THSD4: variants seen among roughly 807,000 people sequenced by gnomAD.
THSD4 encodes thrombospondin type-1 domain-containing protein 4.
THSD4 carries 69 observed loss-of-function variants against 119.0 expected under a neutral mutation model. The observed-to-expected ratio is 0.58, with a 90% CI of 0.48 to 0.71. The LOEUF is 0.71. Ranked by LOEUF, THSD4 falls within the 30% of genes least tolerant of loss-of-function variation. THSD4 has a pLI of 0.00. For missense variants in THSD4, 1,393 were observed against 1,391.1 expected (o/e 1.00, Z -0.02); for synonymous variants, 524 against 540.4 (o/e 0.97, Z 0.42).
chr15:71,552,978 A>G (rs2048955753), intron 7 of THSD4, among the ~76,000 whole-genome samples: 1 of 152,240 alleles, frequency 6.6e-6, no homozygotes, highest in Non-Finnish European at 1.5e-5. Context: ...AACAAATTCA[A>G]GCAAACAAAT....
intron 7 of THSD4, among the ~76,000 whole-genome samples, chr15:71,617,291 A>G (rs2050335123): frequency 6.6e-6 from 1 of 152,240 alleles, no homozygotes; most frequent in African/African-American, 2.4e-5. Flanking sequence ...AAATTAAACT[A>G]AAATGATTTT....
rs141535051 is a variant in THSD4 at position 71,594,463 on chromosome 15, TC to T, written c.1153-66063del. On this transcript the variant is annotated intron_variant, in intron 7 of 17. Transcript: ENST00000261862. Reference sequence around the variant, plus strand: ...ACCTCATGATCCACCCACCTCGGCCTCCCCTCTTAGTAGCTGGGATTTCTGC... The same window carrying T: ...ACCTCATGATCCACCCACCTCGGCCTCCCTCTTAGTAGCTGGGATTTCTGC... Among the ~76,000 whole-genome samples, 926 of 152,228 alleles carry T rather than the reference TC, an allele frequency of 6.1e-3. 10 individuals carry two copies. The highest frequency in any genetic ancestry group is 0.02 in the African/African-American group (841 of 41,566).
chr15:71,427,556 A>G (rs7170883), intron 7 of THSD4, among the ~76,000 whole-genome samples: 92,726 of 147,868 alleles, frequency 0.63, 29,448 homozygotes, highest in Middle Eastern at 0.74. Flanking sequence ...CTGGCCTCCC[A>G]GACCTTGGAG....
chr15:71,568,639 G>A (rs1360458030), intron 7 of THSD4, among the ~76,000 whole-genome samples: 3 of 147,360 alleles, frequency 2.0e-5, no homozygotes, highest in African/African-American at 7.5e-5. Context: ...TGTGCACAAC[G>A]TGCTAGTTTG....
intron 4 of THSD4, among the ~76,000 whole-genome samples, chr15:71,217,193 A>G (rs1380021450): frequency 6.6e-6 from 1 of 152,194 alleles, no homozygotes; most frequent in African/African-American, 2.4e-5. Flanking sequence ...TCACATGTTA[A>G]TAGCATTTCT....
rs536332746 is a variant in THSD4, at chr15:71,504,460, A to G, written c.1152+92637A>G. On this transcript the variant is annotated intron_variant, in intron 7 of 17. Coordinates refer to ENST00000261862, the MANE Select transcript of THSD4 (RefSeq NM_024817.3). ...AGAAGAAACCATTTCAGAAGCGTAA[A>G]GACTAAAGTCACACATTCATCTCAG... Among the ~76,000 whole-genome samples the G allele has an allele frequency of 3.5e-4, 54 of 152,360 alleles. 1 individual carries two copies. Among genetic ancestry groups the G allele is most frequent in the African/African-American group, 1.3e-3 (52 of 41,592 alleles).
chr15:71,495,262 G>T (rs1181495951), intron 7 of THSD4, among the ~76,000 whole-genome samples: 3 of 152,122 alleles, frequency 2.0e-5, no homozygotes, highest in Non-Finnish European at 2.9e-5. Flanking sequence ...CTCTCCTACT[G>T]CTTGGAGCAG....
intron 1 of THSD4, among the ~76,000 whole-genome samples, chr15:71,123,574 G>A (rs2040427045): frequency 1.3e-5 from 2 of 152,164 alleles, no homozygotes; most frequent in Non-Finnish European, 2.9e-5. Flanking sequence ...GTGAGAGGCG[G>A]GGAGTAATAG....
chr15:71,477,918 T>A (rs1026700007), intron 7 of THSD4, among the ~76,000 whole-genome samples: 1 of 151,886 alleles, frequency 6.6e-6, no homozygotes, highest in Non-Finnish European at 1.5e-5. Flanking sequence ...TCTGGCACGA[T>A]GTAGCAGAGC....
intron 7 of THSD4, among the ~76,000 whole-genome samples, chr15:71,634,992 C>G (rs1008894337): frequency 1.3e-5 from 2 of 152,184 alleles, no homozygotes; most frequent in Admixed American, 6.5e-5. Context: ...ACACAAAAGC[C>G]TGATCCCATT....
intron 7 of THSD4, among the ~76,000 whole-genome samples, chr15:71,475,032 G>A (rs1457289327): frequency 1.3e-5 from 2 of 152,322 alleles, no homozygotes; most frequent in African/African-American, 2.4e-5. Context: ...CACCCTGAGG[G>A]TAGAGTCCAG....
intron 6 of THSD4, among the ~76,000 whole-genome samples, chr15:71,304,981 G>A (rs1418147673): frequency 6.6e-6 from 1 of 152,174 alleles, no homozygotes; most frequent in Non-Finnish European, 1.5e-5. Context: ...AACACACGAG[G>A]CTTGTTTATA....
At chr15:71,231,730 C>CACTGTG (rs1412829536) in intron 4 of THSD4, among the ~76,000 whole-genome samples, 2 of 152,142 alleles carry the variant, frequency 1.3e-5, no homozygotes, top group African/African-American at 2.4e-5. Flanking sequence ...ACGTATGTGA[C>CACTGTG]ACTGTGTGCT....
At chr15:71,469,254 G>A (rs897484115) in intron 7 of THSD4, among the ~76,000 whole-genome samples, 5 of 152,266 alleles carry the variant, frequency 3.3e-5, no homozygotes, top group Non-Finnish European at 5.9e-5. Flanking sequence ...TTCATGTGTT[G>A]CACTGCCCAG....
chr15:71,324,221 G>T (rs1567195801), intron 6 of THSD4, among the ~76,000 whole-genome samples: 1 of 151,412 alleles, frequency 6.6e-6, no homozygotes, highest in African/African-American at 2.4e-5. Context: ...AACAACAAAC[G>T]TTTGGCCCTT....
At chr15:71,289,632 G>A (rs918946451) in intron 6 of THSD4, among the ~76,000 whole-genome samples, 5 of 152,108 alleles carry the variant, frequency 3.3e-5, no homozygotes, top group East Asian at 1.9e-4. Context: ...TTTGTAATTC[G>A]ATTATTATAA....
intron 14 of THSD4, 96 bp from the exon 15 acceptor site, chr15:71,757,806 G>T: frequency 6.6e-7 from 1 of 1,516,016 alleles, no homozygotes; most frequent in Non-Finnish European, 9.0e-7. Context: ...CAGACGGCAG[G>T]AAAATGAAGC....
chr15:71,477,203 G>C (rs1375890808), intron 7 of THSD4, among the ~76,000 whole-genome samples: 1 of 152,224 alleles, frequency 6.6e-6, no homozygotes, highest in African/African-American at 2.4e-5. Flanking sequence ...CACGGAGCCA[G>C]CCAGGGCCAA....
intron 10 of THSD4, chr15:71,733,487 T>C (rs1397053180): frequency 6.6e-6 from 1 of 152,214 alleles, no homozygotes; most frequent in Non-Finnish European, 1.5e-5. Flanking sequence ...AAAAGACTTC[T>C]TAAATTTTTT....
Sources: allele counts gnomAD v4.1 joint callset (sites outside exome capture counted in the v4.1 genomes callset), GRCh38; gene constraint gnomAD v4.1.1; transcripts MANE v1.5; gene names NCBI Gene and HGNC (gene_info 2026-07-23, HGNC 2026-07-21).